Variants in BLOC1S5 observed in about 807,000 individuals in gnomAD.
BLOC1S5 encodes the protein biogenesis of lysosomal organelles complex 1 subunit 5.
Under a neutral mutation model 24.3 loss-of-function variants are expected in BLOC1S5, and 27 were observed. That is an observed-to-expected ratio of 1.11 (90% CI 0.82 to 1.53). The LOEUF (loss-of-function observed/expected upper bound fraction) is 1.53, where lower values mean the gene tolerates loss of function less well. BLOC1S5 is among the 40% of genes most tolerant of loss of function. The pLI is 0.00. For synonymous variants in BLOC1S5, 84 were observed against 74.5 expected, an observed-to-expected ratio of 1.13 and a Z score of -0.66; for missense variants, 239 against 229.4, an observed-to-expected ratio of 1.04 and a Z score of -0.27.
At position 8,033,500 on chromosome 6, in the gene BLOC1S5, C is replaced by T. The variant is rs1303609275; in HGVS notation, c.326-7075G>A. ...ATTCAAGATGGATTAAAGACTTAAA[C>T]GTTAGACCTAAAACCATAAAAACCC... On this transcript the variant is annotated intron_variant, in intron 3 of 4. Coordinates refer to ENST00000397457, the MANE Select transcript of BLOC1S5 (RefSeq NM_201280.3). Among the ~76,000 whole-genome samples the T allele has an allele frequency of 1.5e-4, 23 of 152,138 alleles. 1 individual carries two copies. Among genetic ancestry groups the T allele is most frequent in the African/African-American group, 4.3e-4 (18 of 41,534 alleles).
rs552976015 is a variant in BLOC1S5 at position 8,020,539 on chromosome 6, G to A, written c.385-4711C>T. 3.7e-4 allele frequency among the ~76,000 whole-genome samples: 56 copies of A among 152,256 alleles called. 1 individual carries two copies. Among genetic ancestry groups the A allele is most frequent in the African/African-American group, 1.3e-3 (54 of 41,556 alleles). On this transcript the variant is annotated intron_variant, in intron 4 of 4. Transcript: ENST00000397457. ...TCCAGAGGCTCTCCCCACCCCAGCT[G>A]AGTTTCTCTGGAAATCATTCAAGGG...
At chr6:8,039,246 A>T (rs1763600779) in intron 3 of BLOC1S5, among the ~76,000 whole-genome samples, 1 of 152,234 alleles carries the variant, frequency 6.6e-6, no homozygotes, top group Admixed American at 6.5e-5. Flanking sequence ...AATGGATCTC[A>T]TGAATATAGA....
intron 3 of BLOC1S5, among the ~76,000 whole-genome samples, chr6:8,035,358 T>TAAA (rs202007497): frequency 0.31 from 41,767 of 135,384 alleles, 6,754 homozygotes; most frequent in East Asian, 0.69. Flanking sequence ...TTTTTTTTTT[T>TAAA]TAAAAAAAAG....
chr6:8,033,925 T>A (rs1296648010), intron 3 of BLOC1S5, among the ~76,000 whole-genome samples: 1 of 152,134 alleles, frequency 6.6e-6, no homozygotes, highest in African/African-American at 2.4e-5. Flanking sequence ...AAAACCACAA[T>A]GAGATGCCAT....
intron 3 of BLOC1S5, among the ~76,000 whole-genome samples, chr6:8,026,746 ACTTT>A (rs1763121361): frequency 6.6e-6 from 1 of 152,156 alleles, no homozygotes; most frequent in Non-Finnish European, 1.5e-5. Context: ...CACTTCAACA[ACTTT>A]CTACTATTCT....
chr6:8,049,668 A>G (rs528050342), intron 2 of BLOC1S5, among the ~76,000 whole-genome samples: 12 of 152,176 alleles, frequency 7.9e-5, no homozygotes, highest in Non-Finnish European at 1.6e-4. Context: ...AAGTACATAC[A>G]TGCATATATA....
At chr6:8,030,052 C>T (rs1763244342) in intron 3 of BLOC1S5, among the ~76,000 whole-genome samples, 1 of 152,092 alleles carries the variant, frequency 6.6e-6, no homozygotes, top group South Asian at 2.1e-4. Flanking sequence ...AGTGAGATGG[C>T]AATATATGAA....
At chr6:8,054,746 A>G (rs1046282090) in intron 2 of BLOC1S5, among the ~76,000 whole-genome samples, 11 of 152,224 alleles carry the variant, frequency 7.2e-5, no homozygotes, top group African/African-American at 2.4e-4. Flanking sequence ...GTTCTGGGTT[A>G]ATTTTCCCTG....
intron 4 of BLOC1S5, among the ~76,000 whole-genome samples, chr6:8,022,806 G>A (rs1762970014): frequency 7.1e-6 from 1 of 140,664 alleles, no homozygotes; most frequent in Admixed American, 6.8e-5. Flanking sequence ...GGATGGTCTC[G>A]ATCTCCTGAC....
chr6:8,051,940 T>C (rs1401750723), intron 2 of BLOC1S5, among the ~76,000 whole-genome samples: 1 of 151,818 alleles, frequency 6.6e-6, no homozygotes, highest in Non-Finnish European at 1.5e-5. Flanking sequence ...TGCGTGTTGT[T>C]ATTATGTCTG....
chr6:8,036,995 A>G (rs1763511451), intron 3 of BLOC1S5, among the ~76,000 whole-genome samples: 1 of 152,230 alleles, frequency 6.6e-6, no homozygotes, highest in East Asian at 1.9e-4. Context: ...ACATAGCTCA[A>G]AATAGCTGTG....
At chr6:8,042,557 A>G (rs1162583791) in intron 2 of BLOC1S5, among the ~76,000 whole-genome samples, 2 of 152,260 alleles carry the variant, frequency 1.3e-5, no homozygotes, top group African/African-American at 4.8e-5. Flanking sequence ...ACGGGCTGCA[A>G]GCAGCCCAAG....
intron 3 of BLOC1S5, among the ~76,000 whole-genome samples, chr6:8,032,343 A>G (rs548508261): frequency 6.6e-6 from 1 of 152,344 alleles, no homozygotes; most frequent in African/African-American, 2.4e-5. Flanking sequence ...CAAATGGCCA[A>G]CAAACATATG....
chr6:8,063,007 T>A (rs1757318715), intron 1 of BLOC1S5, among the ~76,000 whole-genome samples: 3 of 152,002 alleles, frequency 2.0e-5, no homozygotes, highest in Admixed American at 6.6e-5. Flanking sequence ...AATAAATACA[T>A]CAGAGTTACA....
At chr6:8,017,036 A>T (rs907449721) in intron 4 of BLOC1S5, among the ~76,000 whole-genome samples, 1 of 152,120 alleles carries the variant, frequency 6.6e-6, no homozygotes, top group Non-Finnish European at 1.5e-5. Context: ...CTAGCACCAC[A>T]GTAATATAGA....
chr6:8,029,822 A>G (rs1353487596), intron 3 of BLOC1S5, among the ~76,000 whole-genome samples: 1 of 152,226 alleles, frequency 6.6e-6, no homozygotes, highest in African/African-American at 2.4e-5. Flanking sequence ...GAAAAGAAGC[A>G]GTGATCTAGT....
chr6:8,044,320 C>G (rs541758814), intron 2 of BLOC1S5, among the ~76,000 whole-genome samples: 3 of 147,132 alleles, frequency 2.0e-5, no homozygotes, highest in African/African-American at 7.4e-5. Context: ...AAGTGTCTTT[C>G]GCCTCCCACC....
At chr6:8,055,051 T>C (rs1243122362) in intron 2 of BLOC1S5, among the ~76,000 whole-genome samples, 2 of 152,242 alleles carry the variant, frequency 1.3e-5, no homozygotes, top group Non-Finnish European at 2.9e-5. Flanking sequence ...TTATTTTACC[T>C]GATCATTTCT....
intron 4 of BLOC1S5, among the ~76,000 whole-genome samples, chr6:8,017,198 T>C (rs554909014): frequency 6.6e-6 from 1 of 152,336 alleles, no homozygotes; most frequent in East Asian, 1.9e-4. Flanking sequence ...ATTCTACATG[T>C]ATGTCATTAG....
Sources: allele counts gnomAD v4.1 joint callset (sites outside exome capture counted in the v4.1 genomes callset), GRCh38; gene constraint gnomAD v4.1.1; transcripts MANE v1.5; gene names NCBI Gene and HGNC (gene_info 2026-07-23, HGNC 2026-07-21).